Variants in WARS2 observed in about 807,000 individuals in gnomAD.
The protein encoded by WARS2 is tryptophan--tRNA ligase, mitochondrial.
WARS2 carries 28 observed loss-of-function variants against 36.5 expected under a neutral mutation model. The observed-to-expected ratio is 0.77, with a 90% CI of 0.57 to 1.05. The LOEUF is 1.05. Among genes scored for constraint, WARS2 ranks in the 50% least tolerant of loss-of-function variants. The pLI, the probability that WARS2 is intolerant of heterozygous loss-of-function variation, is 0.00. For missense variants in WARS2, 435 were observed against 456.8 expected, an observed-to-expected ratio of 0.95 and a Z score of 0.44; for synonymous variants, 174 against 178.4, an observed-to-expected ratio of 0.98 and a Z score of 0.20.
intron 2 of WARS2, among the ~76,000 whole-genome samples, chr1:119,075,436 C>T (rs946369935): frequency 1.3e-5 from 2 of 152,002 alleles, no homozygotes; most frequent in East Asian, 3.9e-4. Context: ...TCTTTGGATG[C>T]CAAGGGATCA....
chr1:119,045,483 G>A, intron 3 of WARS2, 99 bp downstream of exon 3: 1 of 975,382 alleles, frequency 1.0e-6, no homozygotes, highest in Non-Finnish European at 1.6e-6. Context: ...ATTAGTGAGT[G>A]GCAGACCAGG....
rs1243863531 is a variant in WARS2 at position 119,120,332 on chromosome 1, A to C, written c.90+20223T>G. Among the ~76,000 whole-genome samples, 10 of 152,054 alleles carry C rather than the reference A, an allele frequency of 6.6e-5. No individual in the cohort carries two copies. The East Asian group carries it at 1.9e-3, about 29-fold the overall frequency. On this transcript the variant is annotated intron_variant, in intron 1 of 5. Transcript: ENST00000235521. Reference sequence around the variant, plus strand: ...GATGGATAAATTCCTGGAAATATACAAACTTCCTAGATTAAACCAGGAAGA... The same window carrying C: ...GATGGATAAATTCCTGGAAATATACCAACTTCCTAGATTAAACCAGGAAGA...
At chr1:119,040,438 C>T (rs1355575989) in intron 4 of WARS2, among the ~76,000 whole-genome samples, 1 of 152,212 alleles carries the variant, frequency 6.6e-6, no homozygotes, top group East Asian at 1.9e-4. Flanking sequence ...ATTAAGGAAA[C>T]CTACCACGCT....
chr1:119,074,867 T>C (rs1571320585), intron 2 of WARS2, among the ~76,000 whole-genome samples: 1 of 152,324 alleles, frequency 6.6e-6, no homozygotes, highest in South Asian at 2.1e-4. Flanking sequence ...TACAGGCCAT[T>C]ACCCTAAGTG....
chr1:119,137,501 C>T (rs1656594763), intron 1 of WARS2, among the ~76,000 whole-genome samples: 2 of 152,140 alleles, frequency 1.3e-5, no homozygotes, highest in Non-Finnish European at 2.9e-5. Context: ...CATACTTCAA[C>T]TGAATAACAA....
rs1200434840 is a variant in WARS2, at chr1:119,033,338, G to T, written c.656C>A (p.Ser219Tyr). Reference sequence around the variant, plus strand: ...CATTTTGGCAGAAGGATCACGTAGGGATTTTACCTTCTTCATGGATGCTAG... The same window carrying T: ...CATTTTGGCAGAAGGATCACGTAGGTATTTTACCTTCTTCATGGATGCTAG... The part of the protein sequence containing the change: ...SILTSMKKVK[S>Y]LRDPSAKMSK... Residue 219 changes from serine to tyrosine, a missense_variant, in exon 6 of 6, where the codon TCC becomes TAC. Transcript: ENST00000235521. 1.2e-6 allele frequency: 2 copies of T among 1,614,158 alleles called. No individual in the cohort carries two copies. The highest frequency in any genetic ancestry group is 2.2e-5 in the South Asian group (2 of 91,074).
chr1:119,086,848 T>C (rs1269033744), intron 1 of WARS2, among the ~76,000 whole-genome samples: 1 of 152,146 alleles, frequency 6.6e-6, no homozygotes. Context: ...TCACACCACC[T>C]GGGGAACTCA....
intron 2 of WARS2, among the ~76,000 whole-genome samples, chr1:119,073,242 C>T (rs1222703478): frequency 6.6e-6 from 1 of 151,196 alleles, no homozygotes; most frequent in African/African-American, 2.4e-5. Flanking sequence ...GTATACTACT[C>T]TCTCTATTGT....
chr1:119,077,334 C>T (rs1346497514), intron 1 of WARS2, among the ~76,000 whole-genome samples: 3 of 152,044 alleles, frequency 2.0e-5, no homozygotes, highest in Non-Finnish European at 4.4e-5. Flanking sequence ...AACGAGGAAG[C>T]CTTCAGACAT....
chr1:119,061,335 C>T (rs566201573), intron 2 of WARS2, among the ~76,000 whole-genome samples: 7 of 151,954 alleles, frequency 4.6e-5, no homozygotes, highest in Non-Finnish European at 8.8e-5. Context: ...GATGAATAAA[C>T]AGATAGAAAA....
At chr1:119,134,353 A>C (rs999247654) in intron 1 of WARS2, among the ~76,000 whole-genome samples, 2 of 151,440 alleles carry the variant, frequency 1.3e-5, no homozygotes, top group Admixed American at 1.3e-4. Flanking sequence ...AAAGACAAAA[A>C]CAAAAAACAG....
At chr1:119,051,332 C>T (rs12087939) in intron 2 of WARS2, among the ~76,000 whole-genome samples, 2,457 of 152,214 alleles carry the variant, frequency 0.016, 61 homozygotes, top group East Asian at 0.052. Context: ...TGGCCTCCAG[C>T]TCCGTCCATG....
intron 3 of WARS2, among the ~76,000 whole-genome samples, chr1:119,043,227 C>T (rs1439826420): frequency 1.3e-5 from 2 of 150,870 alleles, no homozygotes; most frequent in African/African-American, 5.0e-5. Context: ...TAAGGTATAG[C>T]ATCTCTTGTA....
intron 4 of WARS2, among the ~76,000 whole-genome samples, chr1:119,036,035 T>C (rs1217214317): frequency 2.6e-5 from 4 of 152,048 alleles, no homozygotes; most frequent in Admixed American, 2.0e-4. Context: ...CGAAACCCGG[T>C]CCCTGTTAAA....
chr1:119,130,829 CAT>C (rs1205931934), intron 1 of WARS2, among the ~76,000 whole-genome samples: 1 of 152,138 alleles, frequency 6.6e-6, no homozygotes, highest in East Asian at 1.9e-4. Flanking sequence ...TTCTCACACA[CAT>C]AGTTATCACA....
chr1:119,033,077 A>G lies in WARS2; in HGVS notation c.917T>C (p.Val306Ala), dbSNP rs759486394. ...AAACTTCTCAATCACAGCATCTGCC[A>G]CGGCCAGCTTGTAGCGAGCAGTGTT... is the stretch of plus-strand genomic sequence containing the variant. ...GMNTARYKLA[V>A]ADAVIEKFAP... Residue 306 changes from valine (V) to alanine (A), a missense_variant, in exon 6 of 6, where the codon GTG becomes GCG. Transcript: ENST00000235521. The G allele has an allele frequency of 1.2e-6, 2 of 1,614,258 alleles. No individual in the cohort carries two copies. The highest frequency in any genetic ancestry group is 2.2e-5 in the South Asian group (2 of 91,088).
chr1:119,098,105 C>T (rs56919609), intron 1 of WARS2, among the ~76,000 whole-genome samples: 58,136 of 151,562 alleles, frequency 0.38, 11,647 homozygotes, highest in African/African-American at 0.47. Flanking sequence ...AAAAATTAGC[C>T]GAGCATGGTG....
chr1:119,081,064 CA>C (rs1652156474), intron 1 of WARS2, among the ~76,000 whole-genome samples: 1 of 152,172 alleles, frequency 6.6e-6, no homozygotes, highest in Admixed American at 6.5e-5. Context: ...CCAGCAGTAC[CA>C]AATCCCTGGG....
intron 4 of WARS2, among the ~76,000 whole-genome samples, chr1:119,040,559 G>A (rs1157129509): frequency 1.3e-5 from 2 of 152,110 alleles, no homozygotes; most frequent in East Asian, 1.9e-4. Context: ...TGATCCTCCC[G>A]CCTCAGCCTT....
Sources: gnomAD v4.1 joint callset for allele counts (sites outside exome capture counted in the v4.1 genomes callset) on GRCh38, gnomAD v4.1.1 for gene constraint, MANE v1.5 for transcripts, NCBI Gene and HGNC (gene_info 2026-07-23, HGNC 2026-07-21) for gene names.